PEPD: variants seen among roughly 807,000 people sequenced by gnomAD.
The protein encoded by PEPD is peptidase D, also known as xaa-Pro dipeptidase.
PEPD carries 53 observed loss-of-function variants against 60.7 expected under a neutral mutation model. That is an observed-to-expected ratio of 0.87 (90% confidence interval 0.70 to 1.10). The LOEUF (loss-of-function observed/expected upper bound fraction) is 1.10, where lower values mean the gene tolerates loss of function less well. Among genes scored for constraint, PEPD ranks in the 50% least tolerant of loss-of-function variants. PEPD has a pLI of 0.00. For missense variants in PEPD, 711 were observed against 711.9 expected (o/e 1.00, Z 0.01); for synonymous variants, 267 against 284.1 (o/e 0.94, Z 0.60).
rs777280359 is a variant in PEPD, at chr19:33,501,020, G to C, written c.330-19C>G. 4 of 1,506,720 alleles carry C rather than the reference G, an allele frequency of 2.7e-6. No homozygotes were observed. The African/African-American group carries it at 5.5e-5, about 21-fold the overall frequency. 93.3% of individuals were successfully genotyped at this position (1,506,720 alleles called of 1,614,324 possible). Reference sequence around the variant, plus strand: ...ATGGATCCTCAAAGAAAAGCACAAGGAATATCAGGGTCAGGGCTTGGTAAT... The same window carrying C: ...ATGGATCCTCAAAGAAAAGCACAAGCAATATCAGGGTCAGGGCTTGGTAAT... On this transcript the variant is annotated intron_variant, in intron 3 of 14. Transcript: ENST00000244137.
At chr19:33,483,747 C>T (rs901629109) in intron 6 of PEPD, among the ~76,000 whole-genome samples, 2 of 152,116 alleles carry the variant, frequency 1.3e-5, no homozygotes, top group African/African-American at 2.4e-5. Flanking sequence ...GAGGTTGAGG[C>T]TATAGTGATT....
intron 9 of PEPD, among the ~76,000 whole-genome samples, chr19:33,417,425 G>A (rs1044768093): frequency 2.0e-5 from 3 of 152,194 alleles, no homozygotes; most frequent in East Asian, 1.9e-4. Flanking sequence ...TCCGCACCCC[G>A]GTCCCTGTGC....
intron 1 of PEPD, among the ~76,000 whole-genome samples, chr19:33,516,099 C>T (rs12462598): frequency 0.037 from 5,638 of 151,982 alleles, 292 homozygotes; most frequent in Admixed American, 0.15. Flanking sequence ...GCCTGAGCCA[C>T]GAGGCAAGGC....
intron 1 of PEPD, among the ~76,000 whole-genome samples, chr19:33,514,441 G>A (rs140702856): frequency 1.8e-3 from 273 of 152,026 alleles, no homozygotes; most frequent in African/African-American, 6.4e-3. Flanking sequence ...GCTCCAATAC[G>A]ACCTTTTCCG....
chr19:33,497,219 C>T (rs1238984955), intron 4 of PEPD, among the ~76,000 whole-genome samples: 2 of 152,268 alleles, frequency 1.3e-5, no homozygotes, highest in African/African-American at 4.8e-5. Flanking sequence ...GACCCCATCG[C>T]TTCCGATGCC....
At chr19:33,390,128 T>C (rs1263398324) in intron 13 of PEPD, among the ~76,000 whole-genome samples, 1 of 152,222 alleles carries the variant, frequency 6.6e-6, no homozygotes, top group East Asian at 1.9e-4. Context: ...ATGACTTTTA[T>C]AGGAAAAGCC....
chr19:33,415,137 C>T (rs1451095230), intron 9 of PEPD, among the ~76,000 whole-genome samples: 1 of 152,178 alleles, frequency 6.6e-6, no homozygotes, highest in Non-Finnish European at 1.5e-5. Flanking sequence ...GAGAAGAGGC[C>T]TGACCCACGC....
Position 33,464,409 on chromosome 19 carries a change from AG to A in PEPD, c.549-348del, listed in dbSNP as rs562825977. Among the ~76,000 whole-genome samples the A allele has an allele frequency of 2.4e-4, 37 of 152,278 alleles. No individual in the cohort carries two copies. The South Asian group carries it at 2.9e-3, about 12-fold the overall frequency. Reference sequence around the variant, plus strand: ...CAACCTCAGTTTCCCCATGCATGGAAGGGGGATGAAATCTACATGGCATGGC... The same window carrying A: ...CAACCTCAGTTTCCCCATGCATGGAAGGGGATGAAATCTACATGGCATGGC... On this transcript the variant is annotated intron_variant, in intron 7 of 14. Coordinates refer to ENST00000244137, the MANE Select transcript of PEPD (RefSeq NM_000285.4).
At chr19:33,435,056 G>A (rs910417161) in intron 9 of PEPD, among the ~76,000 whole-genome samples, 1 of 152,226 alleles carries the variant, frequency 6.6e-6, no homozygotes, top group Non-Finnish European at 1.5e-5. Context: ...GAAGACGAGG[G>A]ATGGAAGAGG....
At chr19:33,437,245 A>C (rs1293907298) in intron 9 of PEPD, among the ~76,000 whole-genome samples, 1 of 152,150 alleles carries the variant, frequency 6.6e-6, no homozygotes, top group African/African-American at 2.4e-5. Context: ...TTTCCTTTCA[A>C]GAGTCTTCTA....
chr19:33,414,958 G>A (rs897124911), intron 9 of PEPD, among the ~76,000 whole-genome samples: 1 of 152,184 alleles, frequency 6.6e-6, no homozygotes, highest in Non-Finnish European at 1.5e-5. Context: ...TCAGGAGGCC[G>A]CTTCCACCTC....
intron 3 of PEPD, among the ~76,000 whole-genome samples, chr19:33,506,033 C>T (rs1266456019): frequency 2.0e-5 from 3 of 149,850 alleles, no homozygotes; most frequent in Non-Finnish European, 4.4e-5. Context: ...ACACTACACA[C>T]ACAACACAGC....
At chr19:33,460,462 C>A (rs1969905391) in intron 9 of PEPD, among the ~76,000 whole-genome samples, 1 of 152,176 alleles carries the variant, frequency 6.6e-6, no homozygotes, top group Admixed American at 6.5e-5. Flanking sequence ...CAGGGATACT[C>A]CATGATGTGA....
intron 9 of PEPD, among the ~76,000 whole-genome samples, chr19:33,447,297 A>G (rs964588037): frequency 2.6e-5 from 4 of 152,208 alleles, no homozygotes; most frequent in Admixed American, 2.6e-4. Context: ...GTGGGTGAGG[A>G]GGGACACAGA....
chr19:33,457,565 AGGCTGGAAT>A (rs1350776179), intron 9 of PEPD, among the ~76,000 whole-genome samples: 1 of 152,186 alleles, frequency 6.6e-6, no homozygotes. Flanking sequence ...TCTGTTGCCC[AGGCTGGAAT>A]GCAGAGGCTC....
chr19:33,492,535 T>C (rs757860205), intron 5 of PEPD, among the ~76,000 whole-genome samples: 20 of 152,220 alleles, frequency 1.3e-4, no homozygotes, highest in Non-Finnish European at 1.6e-4. Flanking sequence ...TCCTTTCTGT[T>C]ACAATCCAAT....
rs1290625162 is a variant in PEPD at position 33,474,874 on chromosome 19, G to A, written c.548+3172C>T. Among the ~76,000 whole-genome samples, 9 of 151,858 alleles carry A rather than the reference G, an allele frequency of 5.9e-5. No homozygotes were observed. The Middle Eastern group carries it at 0.017, about 287-fold the overall frequency. On this transcript the variant is annotated intron_variant, in intron 7 of 14. Transcript: ENST00000244137. The stretch of plus-strand genomic sequence containing the variant: ...GTGTACCTGGAGTCACAGCTACTTG[G>A]AAGGCTGAGGTGGGAGGATCGCCTG...
rs1568442657 is a variant in PEPD at position 33,387,942 on chromosome 19, CGGGCCGGGTCCGCCAG to C, written c.1276_1291del (p.Leu426AlafsTer27). ...GACCTCGCGGTTAAGGAAGGAGGCG[CGGGCCGGGTCCGCCAG>C]GGCCTCATCCAGGAGGTGGTCGATG... On this transcript the variant is annotated frameshift_variant, in exon 14 of 15. Transcript: ENST00000244137. LOFTEE classifies it high-confidence loss of function. 1.3e-6 allele frequency: 2 copies of C among 1,597,322 alleles called. No individual in the cohort carries two copies. The highest frequency in any genetic ancestry group is 2.7e-5 in the African/African-American group (2 of 74,744).
At chr19:33,389,570 G>A (rs1278465435) in intron 13 of PEPD, among the ~76,000 whole-genome samples, 1 of 152,118 alleles carries the variant, frequency 6.6e-6, no homozygotes, top group African/African-American at 2.4e-5. Flanking sequence ...TCCACCCACA[G>A]CAATCGAAGC....
Sources: gnomAD v4.1 joint callset for allele counts (sites outside exome capture counted in the v4.1 genomes callset) on GRCh38, gnomAD v4.1.1 for gene constraint, MANE v1.5 for transcripts, NCBI Gene and HGNC (gene_info 2026-07-23, HGNC 2026-07-21) for gene names.